The following PDE1B variants were observed in gnomAD, a reference collection of about 807,000 sequenced individuals.
PDE1B encodes dual specificity calcium/calmodulin-dependent 3',5'-cyclic nucleotide phosphodiesterase 1B.
PDE1B carries 13 observed loss-of-function variants against 66.7 expected under a neutral mutation model. The ratio of observed to expected loss-of-function variants is 0.19; its 90% CI spans 0.13 to 0.31. The LOEUF (loss-of-function observed/expected upper bound fraction) is 0.31, where lower values mean the gene tolerates loss of function less well. Among genes scored for constraint, PDE1B ranks in the 10% least tolerant of loss-of-function variants. PDE1B has a pLI of 1.00. For synonymous variants in PDE1B, 230 were observed against 253.9 expected, an observed-to-expected ratio of 0.91 and a Z score of 0.90; for missense variants, 485 against 682.3, an observed-to-expected ratio of 0.71 and a Z score of 3.22.
At chr12:54,577,378 C>A in intron 15 of PDE1B, 33 bp downstream of exon 15, 2 of 1,610,238 alleles carry the variant, frequency 1.2e-6, no homozygotes, top group Non-Finnish European at 1.7e-6. Flanking sequence ...TGTAGGAGAG[C>A]TGGTGTCTAT....
At chr12:54,570,075 C>T (rs1208759230) in intron 5 of PDE1B, among the ~76,000 whole-genome samples, 166 bp from the exon 6 acceptor site, 2 of 152,148 alleles carry the variant, frequency 1.3e-5, no homozygotes, top group Non-Finnish European at 2.9e-5. Context: ...CTCCTGCCTT[C>T]CTGTCTCTCC....
intron 2 of PDE1B, chr12:54,550,210 C>G (rs1957256204): frequency 1.7e-5 from 24 of 1,388,724 alleles, no homozygotes; most frequent in Non-Finnish European, 2.1e-5. Context: ...GCAAAGGTAA[C>G]GATGTGCCTG....
rs528733956 is a variant in PDE1B, at chr12:54,569,979, C to T, written c.478-262C>T. On this transcript the variant is annotated intron_variant, in intron 5 of 15. Coordinates refer to ENST00000243052, the MANE Select transcript of PDE1B (RefSeq NM_000924.4). The surrounding 1 kb of genome is among the most constrained non-coding windows in gnomAD (Gnocchi z 4.4). ...TCTCCCAAAGTATTGGGATTACAGA[C>T]GTGAGCCACTGCGCCCGGCCTGCCT... Among the ~76,000 whole-genome samples the T allele has an allele frequency of 1.3e-5, 2 of 152,290 alleles. No homozygotes were observed. The highest frequency in any genetic ancestry group is 2.1e-4 in the South Asian group (1 of 4,822).
chr12:54,552,476 C>G (rs1005317353), intron 2 of PDE1B, among the ~76,000 whole-genome samples: 2 of 152,180 alleles, frequency 1.3e-5, no homozygotes, highest in Non-Finnish European at 2.9e-5. Context: ...CTATTCCCCC[C>G]CTTCTACCCT....
chr12:54,569,471 C>T lies in PDE1B; in HGVS notation c.411-75C>T. 1 of 1,572,730 alleles carries T rather than the reference C, an allele frequency of 6.4e-7. No homozygotes were observed. The stretch of plus-strand genomic sequence containing the variant: ...CCAGCCATATGATCCCATGGCTCAT[C>T]CCCACATCCCCAGCTGGCCACACCT... On this transcript the variant is annotated intron_variant, in intron 4 of 15. Coordinates refer to ENST00000243052, the MANE Select transcript of PDE1B (RefSeq NM_000924.4). The surrounding 1 kb of genome is among the most constrained non-coding windows in gnomAD (Gnocchi z 4.4).
In PDE1B at chr12:54,576,074, G is replaced by A. The variant is rs1332078221; in HGVS notation, c.1350G>A (p.Glu450=). 17 of 1,612,624 alleles carry A rather than the reference G, an allele frequency of 1.1e-5. No homozygotes were observed. The highest frequency in any genetic ancestry group is 1.4e-5 in the Non-Finnish European group (16 of 1,178,592). Reference sequence around the variant, plus strand: ...AGAGTGTTCAGCCCCTGGCGGATGAGGACTCCAAGTCTAAAAACCAGCCCA... The same window carrying A: ...AGAGTGTTCAGCCCCTGGCGGATGAAGACTCCAAGTCTAAAAACCAGCCCA... ...AEKSVQPLAD[E]DSKSKNQPSF... is the part of the protein sequence containing the mutation. Residue 450 remains glutamate, a synonymous_variant, in exon 13 of 16, where the codon GAG becomes GAA. Transcript: ENST00000243052.
At chr12:54,570,047 G>A (rs376572395) in intron 5 of PDE1B, among the ~76,000 whole-genome samples, 194 bp from the exon 6 acceptor site, 1 of 152,088 alleles carries the variant, frequency 6.6e-6, no homozygotes, top group South Asian at 2.1e-4. Flanking sequence ...AACTGCTTTT[G>A]CCCAGTATAG....
At chr12:54,567,291 C>A (rs533915608) in intron 3 of PDE1B, among the ~76,000 whole-genome samples, 1 of 151,848 alleles carries the variant, frequency 6.6e-6, no homozygotes, top group East Asian at 1.9e-4. Context: ...ATTCTTTGAA[C>A]CCAGGAGTTT....
chr12:54,557,598 A>T (rs1035518707), intron 2 of PDE1B, among the ~76,000 whole-genome samples: 1 of 152,186 alleles, frequency 6.6e-6, no homozygotes, highest in Admixed American at 6.5e-5. Context: ...CTGGGACCAG[A>T]CCCAAATCCT....
rs1292500523 is a variant in PDE1B, at chr12:54,579,218, A to C, written c.*1376A>C. 1.0e-6 allele frequency: 1 copy of C among 983,642 alleles called. No homozygotes were observed. The highest frequency in any genetic ancestry group is 1.2e-6 in the Non-Finnish European group (1 of 828,478). 60.9% of individuals were successfully genotyped at this position (983,642 alleles called of 1,614,324 possible). A position where few individuals can be genotyped will look rare whatever the true frequency, so the allele number is the denominator to read the frequency against. ...CCCAGACCCCTGCTATAGCCAGAGAACAATAAAGAAGGGAGACCAGGCCTG... is the reference window on the plus strand; with the variant it reads ...CCCAGACCCCTGCTATAGCCAGAGACCAATAAAGAAGGGAGACCAGGCCTG... On this transcript the variant is annotated 3_prime_UTR_variant, in exon 16 of 16. Coordinates refer to ENST00000243052, the MANE Select transcript of PDE1B (RefSeq NM_000924.4).
Position 54,573,824 on chromosome 12 carries a change from A to C in PDE1B, c.1064+115A>C. The C allele has an allele frequency of 2.7e-6, 2 of 736,622 alleles. No individual in the cohort carries two copies. The highest frequency in any genetic ancestry group is 2.9e-5 in the South Asian group (2 of 68,354). 45.6% of individuals were successfully genotyped at this position (736,622 alleles called of 1,614,324 possible). ...GTCTTTACCTCGCTGTAGAGACTCC[A>C]CTGGCTTCAGGTATCAGACTGCATC... On this transcript the variant is annotated intron_variant, in intron 10 of 15. Transcript: ENST00000243052. The surrounding 1 kb of genome is among the most constrained non-coding windows in gnomAD (Gnocchi z 5.2).
At chr12:54,576,502 C>T (rs547008786) in intron 13 of PDE1B, 69 bp from the exon 14 acceptor site, 95 of 1,595,192 alleles carry the variant, frequency 6.0e-5, no homozygotes, top group African/African-American at 4.4e-4. Flanking sequence ...TCCTGCACTC[C>T]CAGGGCTAAG....
chr12:54,568,081 C>T (rs1957549026), intron 3 of PDE1B, among the ~76,000 whole-genome samples: 1 of 152,270 alleles, frequency 6.6e-6, no homozygotes, highest in East Asian at 1.9e-4. Flanking sequence ...GTCTCGAACT[C>T]CTGACCTCAG....
At chr12:54,567,666 A>C (rs2121109271) in intron 3 of PDE1B, among the ~76,000 whole-genome samples, 1 of 152,114 alleles carries the variant, frequency 6.6e-6, no homozygotes, top group African/African-American at 2.4e-5. Flanking sequence ...TCAGAGTTGG[A>C]AGGGACCTTA....
At chr12:54,556,994 G>A (rs1231935321) in intron 2 of PDE1B, among the ~76,000 whole-genome samples, 2 of 152,060 alleles carry the variant, frequency 1.3e-5, no homozygotes, top group African/African-American at 4.8e-5. Context: ...CTGCTCCCCT[G>A]TTTATCAACT....
intron 2 of PDE1B, among the ~76,000 whole-genome samples, chr12:54,564,438 C>T (rs1288340681): frequency 6.6e-6 from 1 of 151,538 alleles, no homozygotes; most frequent in Non-Finnish European, 1.5e-5. Flanking sequence ...TTGAGAACAA[C>T]CTGGGCAACA....
At chr12:54,565,488 G>A (rs1052719479) in intron 2 of PDE1B, among the ~76,000 whole-genome samples, 4 of 152,116 alleles carry the variant, frequency 2.6e-5, no homozygotes, top group Admixed American at 1.3e-4. Flanking sequence ...GATATATCTC[G>A]CCTCTATTCC....
intron 2 of PDE1B, chr12:54,550,240 GAC>G: frequency 7.4e-7 from 1 of 1,352,820 alleles, no homozygotes; most frequent in Non-Finnish European, 9.5e-7. Flanking sequence ...ACCCCAGGCT[GAC>G]ACACGCAGCG....
rs1050919531 is a variant in PDE1B, at chr12:54,573,810, G to A, written c.1064+101G>A. ...AGTTGGTGTGCCAGGTCTTTACCTCGCTGTAGAGACTCCACTGGCTTCAGG... is the reference window on the plus strand; with the variant it reads ...AGTTGGTGTGCCAGGTCTTTACCTCACTGTAGAGACTCCACTGGCTTCAGG... On this transcript the variant is annotated intron_variant, in intron 10 of 15. Coordinates refer to ENST00000243052, the MANE Select transcript of PDE1B (RefSeq NM_000924.4). The surrounding 1 kb of genome is among the most constrained non-coding windows in gnomAD (Gnocchi z 5.2). 4.8e-5 allele frequency: 39 copies of A among 806,972 alleles called. No homozygotes were observed. Among genetic ancestry groups the A allele is most frequent in the South Asian group, 3.4e-4 (25 of 72,526 alleles). The allele number at this position is 806,972 out of a possible 1,614,324, so 50.0% of individuals were successfully genotyped here. A position where few individuals can be genotyped will look rare whatever the true frequency, so the allele number is the denominator to read the frequency against.
Sources: gnomAD v4.1 joint callset for allele counts (sites outside exome capture counted in the v4.1 genomes callset) on GRCh38, gnomAD v4.1.1 for gene constraint, Gnocchi (gnomAD v3.1) non-coding constraint, MANE v1.5 for transcripts, NCBI Gene and HGNC (gene_info 2026-07-23, HGNC 2026-07-21) for gene names.